The following ITPR1 variants were observed in gnomAD, a reference collection of about 807,000 sequenced individuals.
The protein encoded by ITPR1 is inositol 1,4,5-trisphosphate receptor type 1, also known as inositol 1,4,5-trisphosphate-gated calcium channel ITPR1.
Under a neutral mutation model 318.4 loss-of-function variants are expected in ITPR1, and 96 were observed. The ratio of observed to expected loss-of-function variants is 0.30; its 90% confidence interval spans 0.26 to 0.36. The LOEUF (loss-of-function observed/expected upper bound fraction) is 0.36. Among genes scored for constraint, ITPR1 ranks in the 10% least tolerant of loss-of-function variants. The probability of loss-of-function intolerance (pLI) is 1.00; values close to 1 mark genes in which losing one functional copy is unlikely to be tolerated. For missense variants in ITPR1, 2,440 were observed against 3,460.2 expected, an observed-to-expected ratio of 0.71 and a Z score of 7.40; for synonymous variants, 1,312 against 1,289.9, an observed-to-expected ratio of 1.02 and a Z score of -0.37.
intron 4 of ITPR1, among the ~76,000 whole-genome samples, chr3:4,607,765 G>T (rs1274927119): frequency 6.6e-6 from 1 of 152,048 alleles, no homozygotes; most frequent in Non-Finnish European, 1.5e-5. Flanking sequence ...GGAGCAGTTG[G>T]CAGGTCCAGG....
At chr3:4,685,795 A>G (rs762391343) in intron 30 of ITPR1, among the ~76,000 whole-genome samples, 2 of 152,240 alleles carry the variant, frequency 1.3e-5, no homozygotes, top group South Asian at 4.1e-4. Flanking sequence ...AGTGCTTTGC[A>G]TGCATGTAGG....
chr3:4,625,761 G>A (rs930940461), intron 4 of ITPR1, among the ~76,000 whole-genome samples: 2 of 152,038 alleles, frequency 1.3e-5, no homozygotes, highest in Admixed American at 1.3e-4. Flanking sequence ...GTTTCACCAT[G>A]TTAGCCAGGA....
In ITPR1 at chr3:4,661,153, G is replaced by A. The variant is rs563502490; in HGVS notation, c.1251+66G>A. Reference sequence around the variant, plus strand: ...TTCCTAATGAAAGGGCTCCTTTGAGGACAGATCAGGGAGTATGGAGCGTGG... The same window carrying A: ...TTCCTAATGAAAGGGCTCCTTTGAGAACAGATCAGGGAGTATGGAGCGTGG... On this transcript the variant is annotated intron_variant, in intron 14 of 61. Transcript: ENST00000649015. 1.2e-4 allele frequency: 107 copies of A among 906,602 alleles called. 1 individual carries two copies. The South Asian group carries it at 1.4e-3, about 11-fold the overall frequency. 56.2% of individuals were successfully genotyped at this position (906,602 alleles called of 1,614,324 possible).
At chr3:4,625,820 G>C (rs2092808595) in intron 4 of ITPR1, among the ~76,000 whole-genome samples, 1 of 152,166 alleles carries the variant, frequency 6.6e-6, no homozygotes. Flanking sequence ...GCCTCCCAAA[G>C]TGCTGGGATT....
intron 4 of ITPR1, among the ~76,000 whole-genome samples, chr3:4,616,663 A>G (rs2092401567): frequency 6.6e-6 from 1 of 152,200 alleles, no homozygotes; most frequent in Admixed American, 6.5e-5. Flanking sequence ...ATGGTTTTGA[A>G]GAGTTCAGAT....
At chr3:4,824,471 T>C (rs1008220909) in intron 60 of ITPR1, among the ~76,000 whole-genome samples, 3 of 152,192 alleles carry the variant, frequency 2.0e-5, no homozygotes, top group African/African-American at 7.2e-5. Flanking sequence ...CAGGTTGTCC[T>C]GACCCACATA....
intron 44 of ITPR1, among the ~76,000 whole-genome samples, chr3:4,736,702 G>T (rs1211051111): frequency 6.6e-6 from 1 of 152,200 alleles, no homozygotes; most frequent in Non-Finnish European, 1.5e-5. Context: ...GGTGGGTCCT[G>T]CAGTCCTTCT....
chr3:4,662,247 G>T lies in ITPR1; in HGVS notation c.1412+5G>T. On this transcript the variant is annotated splice_donor_5th_base_variant and intron_variant, in intron 15 of 61. Coordinates refer to ENST00000649015, the MANE Select transcript of ITPR1 (RefSeq NM_001378452.1). ...CATCACCCAGAATGAAAGGAGGTGAGCACTCCCGCATGCTCAGCACAGCCG... is the reference window on the plus strand; with the variant it reads ...CATCACCCAGAATGAAAGGAGGTGATCACTCCCGCATGCTCAGCACAGCCG... 6.3e-7 allele frequency: 1 copy of T among 1,598,478 alleles called. No individual in the cohort carries two copies. The highest frequency in any genetic ancestry group is 8.5e-7 in the Non-Finnish European group (1 of 1,171,370).
intron 36 of ITPR1, among the ~76,000 whole-genome samples, chr3:4,704,994 T>C (rs1039964993): frequency 6.6e-6 from 1 of 152,220 alleles, no homozygotes; most frequent in Non-Finnish European, 1.5e-5. Context: ...AGAAAGTTGT[T>C]GGCTGGCTTA....
chr3:4,755,454 G>C (rs2279748), intron 44 of ITPR1, among the ~76,000 whole-genome samples: 64,777 of 150,642 alleles, frequency 0.43, 14,268 homozygotes, highest in Middle Eastern at 0.58. Flanking sequence ...GCCCAGGCTG[G>C]TCTTGAAATC....
At chr3:4,795,269 G>A in intron 53 of ITPR1, 82 bp downstream of exon 53, 1 of 1,416,332 alleles carries the variant, frequency 7.1e-7, no homozygotes, top group Non-Finnish European at 9.7e-7. Context: ...GTTCCTGGAT[G>A]TATTGGTGCA....
rs184105654 is a variant in ITPR1 at position 4,821,968 on chromosome 3, C to A, written c.8028+3726C>A. 7.2e-5 allele frequency among the ~76,000 whole-genome samples: 11 copies of A among 152,358 alleles called. No homozygotes were observed. In the East Asian group the frequency reaches 2.1e-3, roughly 29 times the overall value. ...CTCCTTTCACTGGAGATGGGAGTATCCCCCTCAAAGCTGGGGCCAGGCTGA... is the reference window on the plus strand; with the variant it reads ...CTCCTTTCACTGGAGATGGGAGTATACCCCTCAAAGCTGGGGCCAGGCTGA... On this transcript the variant is annotated intron_variant, in intron 60 of 61. Coordinates refer to ENST00000649015, the MANE Select transcript of ITPR1 (RefSeq NM_001378452.1).
intron 40 of ITPR1, among the ~76,000 whole-genome samples, chr3:4,717,815 A>T (rs576393655): frequency 6.6e-6 from 1 of 152,370 alleles, no homozygotes; most frequent in African/African-American, 2.4e-5. Context: ...GTAGTAAAAA[A>T]GGAAAACTCA....
Position 4,675,371 on chromosome 3 carries a change from C to A in ITPR1, c.2779+123C>A, listed in dbSNP as rs567403423. ...TGTTCATTCCTTCCCAACTTTTCAT[C>A]GTGAACATTTTCAAATACTGTGTAA... On this transcript the variant is annotated intron_variant, in intron 23 of 61. Transcript: ENST00000649015. The A allele has an allele frequency of 1.6e-5, 11 of 680,684 alleles. No individual in the cohort carries two copies. The African/African-American group carries it at 1.7e-4, about 10-fold the overall frequency. The allele number at this position is 680,684 out of a possible 1,614,324, so 42.2% of individuals were successfully genotyped here.
At chr3:4,798,156 C>A (rs540445236) in intron 53 of ITPR1, among the ~76,000 whole-genome samples, 23 of 152,272 alleles carry the variant, frequency 1.5e-4, no homozygotes, top group African/African-American at 5.5e-4. Flanking sequence ...TTAAGCATTT[C>A]AGAAAATGAT....
chr3:4,829,563 GAA>G (rs2050305036), intron 60 of ITPR1, among the ~76,000 whole-genome samples: 1 of 152,170 alleles, frequency 6.6e-6, no homozygotes, highest in South Asian at 2.1e-4. Context: ...GAAGTTTACA[GAA>G]AAATGGGGCA....
chr3:4,529,847 T>A (rs1315575466), intron 4 of ITPR1, among the ~76,000 whole-genome samples: 2 of 152,218 alleles, frequency 1.3e-5, no homozygotes, highest in Admixed American at 6.5e-5. Context: ...ATTTATTTAA[T>A]CCTCATAACA....
Position 4,725,325 on chromosome 3 carries a change from G to A in ITPR1, c.5137-221G>A, listed in dbSNP as rs139945524. ...CTTATCTTAAATGTGTTCCCCCATC[G>A]CAGGTCGATTGTCTCCTCCAGCACA... On this transcript the variant is annotated intron_variant, in intron 40 of 61. Coordinates refer to ENST00000649015, the MANE Select transcript of ITPR1 (RefSeq NM_001378452.1). Among the ~76,000 whole-genome samples, 267 of 151,894 alleles carry A rather than the reference G, an allele frequency of 1.8e-3. 1 individual carries two copies. Among genetic ancestry groups the A allele is most frequent in the African/African-American group, 6.1e-3 (253 of 41,414 alleles).
intron 55 of ITPR1, among the ~76,000 whole-genome samples, chr3:4,807,115 CAA>C (rs2048614301): frequency 3.0e-4 from 1 of 3,378 alleles, no homozygotes; most frequent in African/African-American, 6.7e-4. Context: ...GGGGGGCTTA[CAA>C]AGAGAGGGGG....
Sources: gnomAD v4.1 joint callset for allele counts (sites outside exome capture counted in the v4.1 genomes callset) on GRCh38, gnomAD v4.1.1 for gene constraint, MANE v1.5 for transcripts, NCBI Gene and HGNC (gene_info 2026-07-23, HGNC 2026-07-21) for gene names.